Variants in ILKAP observed in about 807,000 individuals in gnomAD.
ILKAP encodes the protein integrin-linked kinase-associated serine/threonine phosphatase 2C.
In ILKAP, 11 loss-of-function variants were observed where a neutral mutation model predicts 49.1. The observed-to-expected ratio is 0.22, with a 90% CI of 0.14 to 0.37. The LOEUF (loss-of-function observed/expected upper bound fraction) is 0.37, where lower values mean the gene tolerates loss of function less well. ILKAP is among the 10% of genes least tolerant of loss of function. The pLI is 1.00. For missense variants in ILKAP, 363 were observed against 510.8 expected, an observed-to-expected ratio of 0.71 and a Z score of 2.79; for synonymous variants, 186 against 192.8, an observed-to-expected ratio of 0.96 and a Z score of 0.29.
At chr2:238,173,492 C>G (rs772809154) in intron 10 of ILKAP, 42 bp downstream of exon 10, 1 of 1,590,070 alleles carries the variant, frequency 6.3e-7, no homozygotes, top group Non-Finnish European at 8.6e-7. Context: ...GAGAAATAAA[C>G]CCACATGCAC....
chr2:238,171,362 C>T (rs1473479357), intron 10 of ILKAP, among the ~76,000 whole-genome samples: 1 of 151,936 alleles, frequency 6.6e-6, no homozygotes. Flanking sequence ...GGTTTCACCA[C>T]GTTGGCCAGG....
At chr2:238,187,880 T>C (rs1693969876) in intron 5 of ILKAP, among the ~76,000 whole-genome samples, 1 of 152,198 alleles carries the variant, frequency 6.6e-6, no homozygotes, top group Non-Finnish European at 1.5e-5. Context: ...CTAAGATGTT[T>C]ACCAGCATCC....
intron 9 of ILKAP, among the ~76,000 whole-genome samples, chr2:238,174,447 A>G (rs1262695513): frequency 6.6e-6 from 1 of 152,148 alleles, no homozygotes; most frequent in Non-Finnish European, 1.5e-5. Context: ...AGAGAACCAT[A>G]CTCAACGTGT....
intron 9 of ILKAP, among the ~76,000 whole-genome samples, chr2:238,175,945 T>C (rs948472584): frequency 6.6e-6 from 1 of 151,790 alleles, no homozygotes; most frequent in Admixed American, 6.6e-5. Flanking sequence ...CACCAATACA[T>C]ACTCTATCCA....
In ILKAP at chr2:238,190,877, T is replaced by TTAAAAA. The variant is rs1252463558; in HGVS notation, c.179-906_179-905insTTTTTA. 2.1e-5 allele frequency among the ~76,000 whole-genome samples: 2 copies of TTAAAAA among 95,130 alleles called. 1 individual carries two copies. 62.4% of individuals were successfully genotyped at this position (95,130 alleles called of 152,430 possible). A position where few individuals can be genotyped will look rare whatever the true frequency, so the allele number is the denominator to read the frequency against. On this transcript the variant is annotated intron_variant, in intron 3 of 11. Transcript: ENST00000254654. ...GGCAAAGTAGTAAGACGTTTCTCTT[T>TTAAAAA]AAAAAAAAAAAAAAAAAAAAAAAAA...
chr2:238,186,800 G>C (rs1693926226), intron 5 of ILKAP: 1 of 151,474 alleles, frequency 6.6e-6, no homozygotes, highest in South Asian at 2.1e-4. Context: ...TTTCAATTTA[G>C]GACATCCTGA....
At chr2:238,200,965 GCA>G (rs1417056148) in intron 1 of ILKAP, among the ~76,000 whole-genome samples, 2 of 152,214 alleles carry the variant, frequency 1.3e-5, no homozygotes, top group Admixed American at 6.5e-5. Context: ...GCCACAGAAG[GCA>G]CAGTTAGTAA....
chr2:238,198,423 G>A (rs1694435661), intron 1 of ILKAP, among the ~76,000 whole-genome samples: 1 of 146,918 alleles, frequency 6.8e-6, no homozygotes, highest in East Asian at 1.9e-4. Flanking sequence ...ACTTTTTGTA[G>A]AGACGGGGTC....
intron 9 of ILKAP, 41 bp downstream of exon 9, chr2:238,182,024 C>G (rs756647006): frequency 8.7e-6 from 14 of 1,608,554 alleles, no homozygotes; most frequent in Non-Finnish European, 1.1e-5. Context: ...CTACAGCTAA[C>G]AGCCCTCCTT....
intron 9 of ILKAP, among the ~76,000 whole-genome samples, chr2:238,180,203 A>G (rs1693632090): frequency 6.6e-6 from 1 of 152,084 alleles, no homozygotes; most frequent in African/African-American, 2.4e-5. Context: ...AGAAAAAGAA[A>G]AAGAAATGCC....
chr2:238,179,322 CTA>C (rs767708044), intron 9 of ILKAP, among the ~76,000 whole-genome samples: 16 of 152,184 alleles, frequency 1.1e-4, no homozygotes, highest in Non-Finnish European at 1.6e-4. Flanking sequence ...ATTTCCACAA[CTA>C]TAGGTGACTA....
intron 9 of ILKAP, among the ~76,000 whole-genome samples, chr2:238,175,832 A>G (rs1165671462): frequency 6.6e-6 from 1 of 152,180 alleles, no homozygotes; most frequent in Non-Finnish European, 1.5e-5. Context: ...ACTGGAGTGC[A>G]GTGGCTATTC....
chr2:238,184,528 C>G (rs1363706333), intron 6 of ILKAP, among the ~76,000 whole-genome samples: 3 of 152,146 alleles, frequency 2.0e-5, no homozygotes, highest in Non-Finnish European at 4.4e-5. Flanking sequence ...GATTTTCAAG[C>G]ATGATTAAGA....
chr2:238,203,274 A>T (rs944528336), intron 1 of ILKAP, among the ~76,000 whole-genome samples: 2 of 150,808 alleles, frequency 1.3e-5, no homozygotes, highest in African/African-American at 4.8e-5. Context: ...CTTCCTGCGT[A>T]GCGAAAATGG....
intron 3 of ILKAP, among the ~76,000 whole-genome samples, chr2:238,193,983 C>G (rs1023408760): frequency 2.6e-5 from 4 of 152,200 alleles, no homozygotes; most frequent in Non-Finnish European, 5.9e-5. Flanking sequence ...ATAATGAACT[C>G]TGAATTTTTA....
At chr2:238,172,108 A>C (rs1290472387) in intron 10 of ILKAP, among the ~76,000 whole-genome samples, 1 of 152,026 alleles carries the variant, frequency 6.6e-6, no homozygotes, top group African/African-American at 2.4e-5. Flanking sequence ...GCTGGAGAGC[A>C]ATGGCATGAT....
At chr2:238,192,765 A>C (rs559223602) in intron 3 of ILKAP, among the ~76,000 whole-genome samples, 1 of 151,862 alleles carries the variant, frequency 6.6e-6, no homozygotes, top group African/African-American at 2.4e-5. Flanking sequence ...CTGTAATCTC[A>C]GCACTTTGGG....
chr2:238,173,181 C>T lies in ILKAP; in HGVS notation c.956+353G>A, dbSNP rs547123054. ...ACCACTCCCTCCGTCCCTCAAGCGC[C>T]TGTCTGGCCATGCTTTCACACTGTC... is the stretch of plus-strand genomic sequence containing the variant. On this transcript the variant is annotated intron_variant, in intron 10 of 11. Coordinates refer to ENST00000254654, the MANE Select transcript of ILKAP (RefSeq NM_030768.3). Among the ~76,000 whole-genome samples, 6 of 152,326 alleles carry T rather than the reference C, an allele frequency of 3.9e-5. No homozygotes were observed. The South Asian group carries it at 1.2e-3, about 32-fold the overall frequency.
intron 8 of ILKAP, among the ~76,000 whole-genome samples, 161 bp downstream of exon 8, chr2:238,183,492 C>T (rs1367333659): frequency 2.0e-5 from 3 of 152,188 alleles, no homozygotes; most frequent in African/African-American, 7.2e-5. Context: ...TTGCTGTTCC[C>T]TTACCCAGAA....
Sources: gnomAD v4.1 joint callset for allele counts (sites outside exome capture counted in the v4.1 genomes callset) on GRCh38, gnomAD v4.1.1 for gene constraint, MANE v1.5 for transcripts, NCBI Gene and HGNC (gene_info 2026-07-23, HGNC 2026-07-21) for gene names.